VPS41: variants seen among roughly 807,000 people sequenced by gnomAD.
VPS41 encodes the protein vacuolar protein sorting-associated protein 41 homolog.
In VPS41, 85 loss-of-function variants were observed where a neutral mutation model predicts 130.9. The ratio of observed to expected loss-of-function variants is 0.65; its 90% CI spans 0.55 to 0.78. The LOEUF is 0.78. Ranked by LOEUF, VPS41 falls within the 30% of genes least tolerant of loss-of-function variation. VPS41 has a pLI of 0.00. For missense variants in VPS41, 874 were observed against 1,018.7 expected, an observed-to-expected ratio of 0.86 and a Z score of 1.93; for synonymous variants, 335 against 332.9, an observed-to-expected ratio of 1.01 and a Z score of -0.07.
chr7:38,859,190 GTGCT>G (rs926585941), intron 4 of VPS41, among the ~76,000 whole-genome samples: 18 of 152,058 alleles, frequency 1.2e-4, no homozygotes, highest in African/African-American at 4.1e-4. Context: ...TCTGTACAAT[GTGCT>G]TGCTTTAAGG....
chr7:38,734,796 T>G (rs2115581699), intron 25 of VPS41, among the ~76,000 whole-genome samples: 1 of 152,348 alleles, frequency 6.6e-6, no homozygotes, highest in South Asian at 2.1e-4. Flanking sequence ...CTGCAATGCT[T>G]ATCATTAGAA....
chr7:38,799,258 C>A (rs1472210928), intron 7 of VPS41, among the ~76,000 whole-genome samples: 3 of 152,090 alleles, frequency 2.0e-5, no homozygotes, highest in South Asian at 2.1e-4. Context: ...AAAGTAAAAT[C>A]TAATTCTTAT....
chr7:38,797,881 T>C (rs1329313907), intron 7 of VPS41, among the ~76,000 whole-genome samples: 1 of 152,140 alleles, frequency 6.6e-6, no homozygotes, highest in Admixed American at 6.5e-5. Flanking sequence ...TCCCTAAAAT[T>C]AAATATGATG....
At chr7:38,887,698 G>A (rs570775846) in intron 2 of VPS41, among the ~76,000 whole-genome samples, 14 of 152,136 alleles carry the variant, frequency 9.2e-5, no homozygotes, top group East Asian at 7.7e-4. Flanking sequence ...GATACTCCTC[G>A]AGAAGAGCAA....
intron 2 of VPS41, among the ~76,000 whole-genome samples, chr7:38,885,609 C>T (rs1786708397): frequency 6.6e-6 from 1 of 152,068 alleles, no homozygotes; most frequent in Non-Finnish European, 1.5e-5. Context: ...GGACTGTGGT[C>T]CATATTAAAT....
intron 6 of VPS41, among the ~76,000 whole-genome samples, chr7:38,820,946 CGT>C (rs559571561): frequency 6.7e-6 from 1 of 150,128 alleles, no homozygotes; most frequent in Non-Finnish European, 1.5e-5. Context: ...TGTGTGCGTG[CGT>C]GTGTGTGTGT....
At position 38,806,600 on chromosome 7, in the gene VPS41, T is replaced by C. The variant is rs149003268; in HGVS notation, c.451-9736A>G. ...TGCATGCTTACTACAAAAAAGTAAA[T>C]AAAAGCCAATGAAGGTCAGAAAGAA... On this transcript the variant is annotated intron_variant, in intron 7 of 28. Coordinates refer to ENST00000310301, the MANE Select transcript of VPS41 (RefSeq NM_014396.4). Among the ~76,000 whole-genome samples, 118 of 152,262 alleles carry C rather than the reference T, an allele frequency of 7.7e-4. 2 individuals carry two copies. The highest frequency in any genetic ancestry group is 1.6e-3 in the Non-Finnish European group (107 of 68,004).
chr7:38,828,497 T>C (rs1241870244), intron 5 of VPS41, among the ~76,000 whole-genome samples: 1 of 152,164 alleles, frequency 6.6e-6, no homozygotes, highest in Non-Finnish European at 1.5e-5. Context: ...AAAACCTATT[T>C]AAAGATGCAT....
chr7:38,821,706 C>CAAAAAAAAA (rs10669199), intron 5 of VPS41, among the ~76,000 whole-genome samples: 1 of 117,496 alleles, frequency 8.5e-6, no homozygotes, highest in Non-Finnish European at 1.7e-5. Context: ...GACTCCGTCT[C>CAAAAAAAAA]AAAAAAAAAA....
At chr7:38,797,431 G>T (rs1246378501) in intron 7 of VPS41, among the ~76,000 whole-genome samples, 3 of 152,028 alleles carry the variant, frequency 2.0e-5, no homozygotes, top group Non-Finnish European at 4.4e-5. Context: ...TTAACGGGAA[G>T]ATTCTATCAT....
At chr7:38,774,064 G>A (rs548905190) in intron 12 of VPS41, 51 bp downstream of exon 12, 6 of 1,486,126 alleles carry the variant, frequency 4.0e-6, no homozygotes, top group Admixed American at 3.8e-5. Flanking sequence ...TAGGAAGGGG[G>A]AGAAAAAAAC....
intron 2 of VPS41, among the ~76,000 whole-genome samples, chr7:38,897,825 T>C (rs1004042127): frequency 3.3e-5 from 5 of 152,234 alleles, no homozygotes; most frequent in Non-Finnish European, 7.3e-5. Context: ...TAAAACTTTG[T>C]ATCAATTTTC....
chr7:38,902,453 G>A (rs1320177542), intron 1 of VPS41, among the ~76,000 whole-genome samples: 1 of 152,140 alleles, frequency 6.6e-6, no homozygotes, highest in Admixed American at 6.6e-5. Flanking sequence ...CAGGTGTTTT[G>A]TTTGGCCTAG....
At chr7:38,877,962 A>G (rs1318374606) in intron 2 of VPS41, among the ~76,000 whole-genome samples, 4 of 152,148 alleles carry the variant, frequency 2.6e-5, no homozygotes, top group African/African-American at 9.6e-5. Context: ...TTCCAGAAGG[A>G]GAACTATGCT....
At chr7:38,831,247 T>A (rs1423641469) in intron 4 of VPS41, 1 of 471,164 alleles carries the variant, frequency 2.1e-6, no homozygotes, top group South Asian at 1.5e-5. Context: ...CATCTGGTTG[T>A]AAGCTGCCTC....
At chr7:38,800,672 A>G (rs1208087890) in intron 7 of VPS41, among the ~76,000 whole-genome samples, 1 of 152,102 alleles carries the variant, frequency 6.6e-6, no homozygotes, top group Non-Finnish European at 1.5e-5. Flanking sequence ...CGTCTCTACT[A>G]AAAATACAAA....
intron 7 of VPS41, among the ~76,000 whole-genome samples, chr7:38,809,048 T>G (rs1784888810): frequency 6.6e-6 from 1 of 152,156 alleles, no homozygotes; most frequent in African/African-American, 2.4e-5. Flanking sequence ...AATTTACCAA[T>G]GGATTTTAAG....
intron 4 of VPS41, among the ~76,000 whole-genome samples, chr7:38,845,021 T>C (rs1660476988): frequency 6.6e-6 from 1 of 152,216 alleles, no homozygotes; most frequent in African/African-American, 2.4e-5. Context: ...ATTGGTTTTC[T>C]AAATCCTAAC....
At chr7:38,746,250 T>C (rs1300159910) in intron 22 of VPS41, among the ~76,000 whole-genome samples, 1 of 40,522 alleles carries the variant, frequency 2.5e-5, no homozygotes, top group Non-Finnish European at 4.7e-5. Context: ...GCATTTCCAT[T>C]AGTCTTAAAA....
Sources: allele counts gnomAD v4.1 joint callset (sites outside exome capture counted in the v4.1 genomes callset), GRCh38; gene constraint gnomAD v4.1.1; transcripts MANE v1.5; gene names NCBI Gene and HGNC (gene_info 2026-07-23, HGNC 2026-07-21).